TRHDE: variants seen among roughly 807,000 people sequenced by gnomAD.
TRHDE encodes thyrotropin releasing hormone degrading enzyme.
A neutral mutation model predicts 125.7 loss-of-function variants in TRHDE; 72 were observed. The ratio of observed to expected loss-of-function variants is 0.57; its 90% CI spans 0.47 to 0.70. The LOEUF (loss-of-function observed/expected upper bound fraction) is 0.70. Ranked by LOEUF, TRHDE falls within the 30% of genes least tolerant of loss-of-function variation. The probability of loss-of-function intolerance (pLI) is 0.00; values close to 1 mark genes in which losing one functional copy is unlikely to be tolerated. For missense variants in TRHDE, 1,110 were observed against 1,327.1 expected (o/e 0.84, Z 2.54); for synonymous variants, 509 against 509.1 (o/e 1.00, Z 0.00).
At chr12:72,387,110 C>T (rs1488908138) in intron 3 of TRHDE, among the ~76,000 whole-genome samples, 2 of 152,170 alleles carry the variant, frequency 1.3e-5, no homozygotes, top group Admixed American at 6.5e-5. Context: ...CTGGTTCTTT[C>T]TCCTTAACTC....
At chr12:72,389,691 C>T (rs572064608) in intron 3 of TRHDE, among the ~76,000 whole-genome samples, 1 of 152,162 alleles carries the variant, frequency 6.6e-6, no homozygotes. Flanking sequence ...CTTATATAAA[C>T]CTAATTACCT....
At chr12:72,230,404 G>T (rs1191336936) in intron 2 of TRHDE, among the ~76,000 whole-genome samples, 1 of 152,038 alleles carries the variant, frequency 6.6e-6, no homozygotes, top group African/African-American at 2.4e-5. Flanking sequence ...ACATGATCCT[G>T]ATATAACCAA....
intron 2 of TRHDE, among the ~76,000 whole-genome samples, chr12:72,170,067 C>G (rs1412233429): frequency 6.6e-6 from 1 of 152,146 alleles, no homozygotes; most frequent in Non-Finnish European, 1.5e-5. Context: ...GAAGCAGGAG[C>G]TAGTCGACCA....
chr12:72,619,730 A>G (rs1382880241), intron 13 of TRHDE, among the ~76,000 whole-genome samples: 1 of 152,130 alleles, frequency 6.6e-6, no homozygotes, highest in African/African-American at 2.4e-5. Context: ...ATTTCTTATC[A>G]CTGTGCCTTC....
intron 12 of TRHDE, among the ~76,000 whole-genome samples, chr12:72,618,112 A>T (rs187305815): frequency 2.0e-5 from 3 of 152,276 alleles, no homozygotes; most frequent in East Asian, 3.9e-4. Flanking sequence ...AATATTATAT[A>T]CAGTCTATTG....
chr12:72,617,477 C>T (rs1038434819), intron 12 of TRHDE, among the ~76,000 whole-genome samples: 1 of 152,062 alleles, frequency 6.6e-6, no homozygotes, highest in Non-Finnish European at 1.5e-5. Context: ...CCGTTTCCTC[C>T]CTGTCCACTT....
At chr12:72,174,319 T>C (rs555065565) in intron 2 of TRHDE, among the ~76,000 whole-genome samples, 1 of 151,924 alleles carries the variant, frequency 6.6e-6, no homozygotes, top group East Asian at 1.9e-4. Flanking sequence ...TGAGAAAGAA[T>C]TAATGTTTGT....
At chr12:72,343,497 C>T (rs774376803) in intron 2 of TRHDE, among the ~76,000 whole-genome samples, 7 of 152,110 alleles carry the variant, frequency 4.6e-5, no homozygotes, top group Non-Finnish European at 8.8e-5. Context: ...TTAAGATTTG[C>T]ATGATTCTTA....
rs759262678 is a variant in TRHDE, at chr12:72,562,958, G to A, written c.1960G>A (p.Glu654Lys). 5 of 1,610,838 alleles carry A rather than the reference G, an allele frequency of 3.1e-6. No individual in the cohort carries two copies. Among genetic ancestry groups the A allele is most frequent in the Non-Finnish European group, 4.2e-6 (5 of 1,178,412 alleles). Residue 654 changes from glutamate to lysine, a missense_variant, in exon 9 of 19, where the codon GAA becomes AAA. Around this residue, in one of 5 missense-constraint regions of TRHDE, gnomAD observed 527 missense variants for 651.8 expected, o/e 0.81. Coordinates refer to ENST00000261180, the MANE Select transcript of TRHDE (RefSeq NM_013381.3). ...VITILGNTTA[E>K]NRIIITQQHF... ...CACCATCTTGGGAAACACAACAGCA[G>A]AAAATAGAATAATAATTACCCAACA...
At chr12:72,533,586 T>G (rs180898465) in intron 6 of TRHDE, among the ~76,000 whole-genome samples, 1 of 152,184 alleles carries the variant, frequency 6.6e-6, no homozygotes. Flanking sequence ...TTTTAGTATT[T>G]GCATTATTTT....
chr12:72,316,886 T>G (rs1868828926), intron 2 of TRHDE, among the ~76,000 whole-genome samples: 1 of 152,198 alleles, frequency 6.6e-6, no homozygotes, highest in Non-Finnish European at 1.5e-5. Context: ...GTAGCTCATA[T>G]AGGACCGCAT....
At chr12:72,278,744 G>A (rs1879585447) in intron 1 of TRHDE, among the ~76,000 whole-genome samples, 2 of 152,004 alleles carry the variant, frequency 1.3e-5, no homozygotes, top group Non-Finnish European at 2.9e-5. Context: ...GTCTTATTTT[G>A]AGAAATTTTC....
At chr12:72,385,422 G>A (rs1181090756) in intron 3 of TRHDE, among the ~76,000 whole-genome samples, 1 of 151,760 alleles carries the variant, frequency 6.6e-6, no homozygotes, top group Non-Finnish European at 1.5e-5. Context: ...AACCTTTTCC[G>A]CCATCTTTAA....
intron 2 of TRHDE, among the ~76,000 whole-genome samples, chr12:72,155,664 C>A (rs1033696960): frequency 6.6e-6 from 1 of 152,192 alleles, no homozygotes; most frequent in Admixed American, 6.5e-5. Flanking sequence ...CCACTCCAGA[C>A]CCCGTTTGCC....
chr12:72,280,739 C>G (rs1879666981), intron 1 of TRHDE, among the ~76,000 whole-genome samples: 1 of 152,102 alleles, frequency 6.6e-6, no homozygotes, highest in Non-Finnish European at 1.5e-5. Flanking sequence ...AACCAGATAG[C>G]AGGAACCAGA....
intron 3 of TRHDE, among the ~76,000 whole-genome samples, chr12:72,379,284 A>C (rs1592402782): frequency 6.6e-6 from 1 of 152,354 alleles, no homozygotes; most frequent in South Asian, 2.1e-4. Flanking sequence ...GATATTACAA[A>C]ATTCTGAAAT....
Position 72,236,697 on chromosome 12 carries a change from A to C in TRHDE, n.279+130945A>C, listed in dbSNP as rs537007483. 7.4e-4 allele frequency among the ~76,000 whole-genome samples: 113 copies of C among 152,292 alleles called. 1 individual carries two copies. The highest frequency in any genetic ancestry group is 2.6e-3 in the African/African-American group (108 of 41,576). On this transcript the variant is annotated intron_variant and non_coding_transcript_variant, in intron 2 of 4. Coordinates refer to the TRHDE transcript ENST00000548156. ...AAACCCATAAAACAAAACAAAATCC[A>C]AAAAACAGTATGCTGCATACCATCC...
chr12:72,516,856 C>A (rs199628195), intron 6 of TRHDE, among the ~76,000 whole-genome samples: 9 of 150,754 alleles, frequency 6.0e-5, no homozygotes, highest in South Asian at 2.1e-4. Context: ...TAGCATGAAG[C>A]GTTGTTGAAT....
chr12:72,475,278 A>G (rs1876839281), intron 5 of TRHDE, among the ~76,000 whole-genome samples: 2 of 152,138 alleles, frequency 1.3e-5, no homozygotes, highest in African/African-American at 4.8e-5. Context: ...TTTTTATTAT[A>G]CTGTGGATTA....
Sources: gnomAD v4.1 joint callset for allele counts (sites outside exome capture counted in the v4.1 genomes callset) on GRCh38, gnomAD v4.1.1 for gene constraint, gnomAD v4.1.1 regional missense constraint, MANE v1.5 for transcripts, NCBI Gene and HGNC (gene_info 2026-07-23, HGNC 2026-07-21) for gene names.